Variants in SETD5 observed in about 807,000 individuals in gnomAD.
SETD5 encodes SET domain containing 5.
A neutral mutation model predicts 153.3 loss-of-function variants in SETD5; 44 were observed. The ratio of observed to expected loss-of-function variants is 0.29; its 90% CI spans 0.23 to 0.37. The LOEUF is 0.37. SETD5 is among the 10% of genes least tolerant of loss of function. SETD5 has a pLI of 1.00. For missense variants in SETD5, 1,544 were observed against 1,768.0 expected (o/e 0.87, Z 2.27); for synonymous variants, 716 against 645.2 (o/e 1.11, Z -1.66).
intron 1 of SETD5, among the ~76,000 whole-genome samples, chr3:9,416,121 A>G (rs2037409306): frequency 1.3e-5 from 2 of 152,114 alleles, no homozygotes; most frequent in Admixed American, 1.3e-4. Flanking sequence ...ACTCAGTGTT[A>G]TTATTGACTC....
chr3:9,471,321 C>T (rs1268878321), intron 19 of SETD5, among the ~76,000 whole-genome samples: 1 of 152,198 alleles, frequency 6.6e-6, no homozygotes, highest in African/African-American at 2.4e-5. Context: ...GAGTAACTTT[C>T]CCGTGGTCAC....
chr3:9,473,137 A>G, intron 19 of SETD5, 99 bp from the exon 20 acceptor site: 1 of 1,401,044 alleles, frequency 7.1e-7, no homozygotes, highest in Non-Finnish European at 9.5e-7. Context: ...CTAGTGGTTT[A>G]CTAAGGTACC....
chr3:9,439,837 T>TA (rs1175033310), intron 7 of SETD5, among the ~76,000 whole-genome samples: 7 of 152,214 alleles, frequency 4.6e-5, no homozygotes, highest in African/African-American at 1.7e-4. Flanking sequence ...TTGTTGAAAA[T>TA]AGAGTGTTAG....
intron 2 of SETD5, among the ~76,000 whole-genome samples, chr3:9,425,238 A>G (rs1413661875): frequency 3.3e-5 from 5 of 150,890 alleles, no homozygotes; most frequent in Non-Finnish European, 7.4e-5. Context: ...ATTTTTTTGT[A>G]TTTTTAGTAG....
chr3:9,445,965 GTTTTTTTTTT>G (rs376821559), intron 13 of SETD5, among the ~76,000 whole-genome samples: 2 of 86,476 alleles, frequency 2.3e-5, no homozygotes, highest in Non-Finnish European at 4.5e-5. Flanking sequence ...TGAAGAGGTT[GTTTTTTTTTT>G]TTTTTTTTTT....
chr3:9,447,605 G>T, intron 14 of SETD5, 81 bp from the exon 15 acceptor site: 1 of 1,442,766 alleles, frequency 6.9e-7, no homozygotes, highest in Non-Finnish European at 9.4e-7. Flanking sequence ...TAGACATTCT[G>T]AATGCTTAAA....
chr3:9,432,362 C>T, intron 3 of SETD5: 1 of 831,214 alleles, frequency 1.2e-6, no homozygotes, highest in Non-Finnish European at 1.5e-6. Context: ...TCTTTGATCC[C>T]TCACTTCTCA....
chr3:9,454,341 G>A (rs1014591057), intron 17 of SETD5, among the ~76,000 whole-genome samples: 15 of 152,020 alleles, frequency 9.9e-5, no homozygotes, highest in Middle Eastern at 3.4e-3. Flanking sequence ...AAGAACAGCC[G>A]GGCGCTGTGG....
At chr3:9,465,827 C>A (rs1441635029) in intron 18 of SETD5, among the ~76,000 whole-genome samples, 2 of 152,144 alleles carry the variant, frequency 1.3e-5, no homozygotes, top group Non-Finnish European at 2.9e-5. Context: ...GCAGCTGATT[C>A]AGGCCTTTCT....
intron 2 of SETD5, among the ~76,000 whole-genome samples, chr3:9,427,381 C>T (rs1356467952): frequency 6.6e-6 from 1 of 152,130 alleles, no homozygotes; most frequent in Admixed American, 6.5e-5. Context: ...GAAACTTCAT[C>T]TCTACTAAAA....
rs1382862728 is a variant in SETD5, at chr3:9,476,165, C to T, written c.*74C>T. Reference sequence around the variant, plus strand: ...CTTCCAGCTGCCTCTGGAACCTAGGCCGAGCATATTGCTGAGGAACGGGGG... The same window carrying T: ...CTTCCAGCTGCCTCTGGAACCTAGGTCGAGCATATTGCTGAGGAACGGGGG... On this transcript the variant is annotated 3_prime_UTR_variant, in exon 23 of 23. Coordinates refer to ENST00000402198, the MANE Select transcript of SETD5 (RefSeq NM_001080517.3). 2.6e-6 allele frequency: 4 copies of T among 1,522,216 alleles called. No individual in the cohort carries two copies. In the African/African-American group the frequency reaches 5.5e-5, roughly 21 times the overall value. 94.3% of individuals were successfully genotyped at this position (1,522,216 alleles called of 1,614,324 possible). A position where few individuals can be genotyped will look rare whatever the true frequency, so the allele number is the denominator to read the frequency against.
intron 19 of SETD5, among the ~76,000 whole-genome samples, 164 bp downstream of exon 19, chr3:9,471,093 G>C (rs2045251641): frequency 6.6e-6 from 1 of 152,198 alleles, no homozygotes; most frequent in Admixed American, 6.5e-5. Context: ...ACAACTTGGT[G>C]AATGTTGTAA....
At chr3:9,408,304 CTTT>C (rs980908344) in intron 1 of SETD5, among the ~76,000 whole-genome samples, 3 of 152,062 alleles carry the variant, frequency 2.0e-5, no homozygotes, top group Admixed American at 6.6e-5. Context: ...TTTCGAATGT[CTTT>C]TTTCTTTTCC....
Position 9,441,697 on chromosome 3 carries a change from C to G in SETD5, c.915C>G (p.Val305=). 6.2e-7 allele frequency: 1 copy of G among 1,613,932 alleles called. No homozygotes were observed. The highest frequency in any genetic ancestry group is 8.5e-7 in the Non-Finnish European group (1 of 1,179,858). The change falls in exon 9 of 23, where the codon GTC becomes GTG. Residue 305 remains valine, a synonymous_variant. Transcript: ENST00000402198. ...TTATAATAGAGTATCGTGGGAAAGT[C>G]ATGTTACGACAGCAATTTGAGGTCA... The part of the protein sequence containing the change: ...DTLIIEYRGK[V]MLRQQFEVNG...
chr3:9,475,099 A>G lies in SETD5; in HGVS notation c.3663A>G (p.Leu1221=). Residue 1221 remains leucine, a synonymous_variant, in exon 22 of 23, where the codon TTA becomes TTG. Transcript: ENST00000402198. The part of the protein sequence containing the change: ...DPADGEGPET[L]SSALSKGATV... ...CAGATGGAGAAGGCCCAGAGACATT[A>G]AGCTCAGCACTCTCTAAAGGAGCAA... 1 of 1,590,982 alleles carries G rather than the reference A, an allele frequency of 6.3e-7. No homozygotes were observed. The highest frequency in any genetic ancestry group is 1.2e-5 in the South Asian group (1 of 86,766).
chr3:9,435,016 G>T lies in SETD5; in HGVS notation c.388+134G>T, dbSNP rs574636059. 1.1e-3 allele frequency: 1,068 copies of T among 971,092 alleles called. 22 individuals are homozygous for T. Among genetic ancestry groups the T allele is most frequent in the Admixed American group, 4.2e-4 (14 of 33,116 alleles). 60.2% of individuals were successfully genotyped at this position (971,092 alleles called of 1,614,324 possible). Reference sequence around the variant, plus strand: ...TCTCACCACTTAGGGAGGCCAAAGCGGGCGGATCACCTGAGGTCGGGAGTT... The same window carrying T: ...TCTCACCACTTAGGGAGGCCAAAGCTGGCGGATCACCTGAGGTCGGGAGTT... On this transcript the variant is annotated intron_variant, in intron 6 of 22. Transcript: ENST00000402198.
chr3:9,473,456 A>G lies in SETD5; in HGVS notation c.3416A>G (p.His1139Arg). Residue 1139 changes from histidine (H) to arginine (R), a missense_variant, in exon 20 of 23, where the codon CAT becomes CGT. His to Arg is a conservative substitution (Grantham distance 29, BLOSUM62 0). This residue lies in a region of SETD5 where 93 missense variants were observed against 93.4 expected (regional missense o/e 1.00). Transcript: ENST00000402198. ...KFSPSHSSMSHLEAVSPSDSR... is the reference protein window; with the variant it reads ...KFSPSHSSMSRLEAVSPSDSR... ...TCCCCATCTCATTCCTCTATGTCCC[A>G]TTTGGAGGCGGTAAGCCCATCAGAT... is the stretch of plus-strand genomic sequence containing the variant. The G allele has an allele frequency of 3.1e-6, 5 of 1,613,846 alleles. No homozygotes were observed. Among genetic ancestry groups the G allele is most frequent in the Non-Finnish European group, 4.2e-6 (5 of 1,179,858 alleles).
At chr3:9,433,186 G>C (rs1419301076) in intron 3 of SETD5, among the ~76,000 whole-genome samples, 1 of 152,182 alleles carries the variant, frequency 6.6e-6, no homozygotes, top group African/African-American at 2.4e-5. Flanking sequence ...TTACAGTTTA[G>C]TTTTTATTTT....
intron 1 of SETD5, chr3:9,423,328 C>G (rs1363809641): frequency 1.3e-5 from 2 of 152,138 alleles, no homozygotes; most frequent in African/African-American, 2.4e-5. Flanking sequence ...TAAATGGCAC[C>G]TCCTAAAGAG....
Sources: gnomAD v4.1 joint callset for allele counts (sites outside exome capture counted in the v4.1 genomes callset) on GRCh38, gnomAD v4.1.1 for gene constraint, gnomAD v4.1.1 regional missense constraint, MANE v1.5 for transcripts, NCBI Gene and HGNC (gene_info 2026-07-23, HGNC 2026-07-21) for gene names.